The following CCSER1 variants were observed in gnomAD, a reference collection of about 807,000 sequenced individuals.
CCSER1 encodes the protein serine-rich coiled-coil domain-containing protein 1.
Under a neutral mutation model 82.0 loss-of-function variants are expected in CCSER1, and 41 were observed. The observed-to-expected ratio is 0.50, with a 90% confidence interval of 0.39 to 0.65. CCSER1 has a LOEUF of 0.65. Ranked by LOEUF, CCSER1 falls within the 30% of genes least tolerant of loss-of-function variation. The pLI is 0.00. For synonymous variants in CCSER1, 414 were observed against 383.9 expected (o/e 1.08, Z -0.92); for missense variants, 1,119 against 1,064.2 (o/e 1.05, Z -0.72).
At chr4:91,043,569 C>G (rs1051890767) in intron 9 of CCSER1, among the ~76,000 whole-genome samples, 3 of 146,620 alleles carry the variant, frequency 2.0e-5, no homozygotes, top group Non-Finnish European at 3.0e-5. Flanking sequence ...ATAACGCTAA[C>G]TAGCATCAGC....
At chr4:91,048,077 A>G (rs1056095562) in intron 9 of CCSER1, among the ~76,000 whole-genome samples, 5 of 152,052 alleles carry the variant, frequency 3.3e-5, no homozygotes, top group African/African-American at 1.2e-4. Context: ...AATCACTCAT[A>G]TAATACTTTA....
At chr4:91,439,490 A>G (rs1295666770) in intron 10 of CCSER1, among the ~76,000 whole-genome samples, 2 of 152,130 alleles carry the variant, frequency 1.3e-5, no homozygotes, top group African/African-American at 4.8e-5. Context: ...AGCACTAAAC[A>G]TGGAAAGGAA....
chr4:91,500,794 A>G (rs112599144), intron 10 of CCSER1, among the ~76,000 whole-genome samples: 4,578 of 152,016 alleles, frequency 0.03, 144 homozygotes, highest in African/African-American at 0.084. Context: ...GCTTTTTGGG[A>G]AACAGGTGGT....
intron 10 of CCSER1, among the ~76,000 whole-genome samples, chr4:91,440,889 C>G (rs1019067577): frequency 1.3e-5 from 2 of 151,980 alleles, no homozygotes; most frequent in Non-Finnish European, 2.9e-5. Context: ...ATAAATTCCT[C>G]GACACATACA....
At chr4:90,736,043 T>C (rs185416834) in intron 7 of CCSER1, among the ~76,000 whole-genome samples, 7 of 152,292 alleles carry the variant, frequency 4.6e-5, no homozygotes, top group Non-Finnish European at 1.0e-4. Flanking sequence ...TGATTTTTCA[T>C]TTTATTCTAT....
chr4:90,633,495 T>C (rs932663073), intron 6 of CCSER1, among the ~76,000 whole-genome samples: 1 of 152,008 alleles, frequency 6.6e-6, no homozygotes, highest in African/African-American at 2.4e-5. Context: ...ATTCCTTAAC[T>C]GTATTTTTAA....
At chr4:91,141,760 T>C (rs138529672) in intron 10 of CCSER1, among the ~76,000 whole-genome samples, 2 of 152,298 alleles carry the variant, frequency 1.3e-5, no homozygotes, top group East Asian at 3.9e-4. Flanking sequence ...TGTATAAGCA[T>C]TCCCATTTCT....
At chr4:90,493,047 A>T (rs1405559426) in intron 5 of CCSER1, among the ~76,000 whole-genome samples, 1 of 152,126 alleles carries the variant, frequency 6.6e-6, no homozygotes, top group Non-Finnish European at 1.5e-5. Context: ...AACTGGAATA[A>T]CCACTGTAGA....
intron 10 of CCSER1, among the ~76,000 whole-genome samples, chr4:91,345,041 G>T (rs1206817106): frequency 6.6e-6 from 1 of 152,100 alleles, no homozygotes; most frequent in Non-Finnish European, 1.5e-5. Flanking sequence ...TATTGTAAGT[G>T]CTATGTTCCT....
intron 1 of CCSER1, among the ~76,000 whole-genome samples, chr4:90,142,323 G>A (rs903254011): frequency 1.3e-5 from 2 of 152,162 alleles, no homozygotes; most frequent in Admixed American, 1.3e-4. Flanking sequence ...CTTCCATGAC[G>A]ACTTTAACCC....
At chr4:91,482,650 T>C (rs199825787) in intron 10 of CCSER1, among the ~76,000 whole-genome samples, 1 of 152,088 alleles carries the variant, frequency 6.6e-6, no homozygotes, top group South Asian at 2.1e-4. Context: ...CACACGTATA[T>C]ATATTGTGGC....
intron 6 of CCSER1, among the ~76,000 whole-genome samples, chr4:90,696,964 G>A (rs906852844): frequency 6.6e-6 from 1 of 152,082 alleles, no homozygotes; most frequent in Non-Finnish European, 1.5e-5. Context: ...GCTAGTTAAG[G>A]GCTGCACAGT....
At chr4:90,474,536 C>G (rs1056350384) in intron 5 of CCSER1, among the ~76,000 whole-genome samples, 1 of 152,168 alleles carries the variant, frequency 6.6e-6, no homozygotes, top group African/African-American at 2.4e-5. Flanking sequence ...GATAGCAGTT[C>G]TCCCCAGCTC....
At chr4:91,009,984 C>A (rs764772070) in intron 9 of CCSER1, among the ~76,000 whole-genome samples, 5 of 152,012 alleles carry the variant, frequency 3.3e-5, no homozygotes, top group African/African-American at 7.2e-5. Flanking sequence ...TTTACCTTTA[C>A]CTGAGAATTT....
intron 1 of CCSER1, among the ~76,000 whole-genome samples, chr4:90,128,516 T>TGTGTGTGTGTGTGTGTGTGC (rs994567297): frequency 7.8e-6 from 1 of 128,504 alleles, no homozygotes; most frequent in African/African-American, 3.2e-5. Context: ...TGTGTGTGTG[T>TGTGTGTGTGTGTGTGTGTGC]GCGCGCGCGC....
At chr4:90,928,615 A>G (rs1227084638) in intron 9 of CCSER1, among the ~76,000 whole-genome samples, 1 of 152,098 alleles carries the variant, frequency 6.6e-6, no homozygotes, top group Non-Finnish European at 1.5e-5. Flanking sequence ...AATAATTCTA[A>G]GTGTATAGTG....
rs1560717295 is a variant in CCSER1 at position 91,496,805 on chromosome 4, T to TTCA, written c.2218-101767_2218-101766insTCA. Among the ~76,000 whole-genome samples, 5 of 89,118 alleles carry TTCA rather than the reference T, an allele frequency of 5.6e-5. 1 individual carries two copies. The highest frequency in any genetic ancestry group is 1.6e-4 in the African/African-American group (4 of 24,700). 58.5% of individuals were successfully genotyped at this position (89,118 alleles called of 152,430 possible). ...TATATATTGAATATATATTTGAATATATATATATTCAATATATATTGAATA... is the reference window on the plus strand; with the variant it reads ...TATATATTGAATATATATTTGAATATTCAATATATATTCAATATATATTGAATA... On this transcript the variant is annotated intron_variant, in intron 10 of 10. Coordinates refer to ENST00000509176, the MANE Select transcript of CCSER1 (RefSeq NM_001145065.2).
At chr4:90,332,342 T>G (rs1302573481) in intron 3 of CCSER1, among the ~76,000 whole-genome samples, 1 of 150,418 alleles carries the variant, frequency 6.6e-6, no homozygotes, top group African/African-American at 2.4e-5. Flanking sequence ...GTTCAAGCAA[T>G]TCTCCTGCCT....
intron 9 of CCSER1, among the ~76,000 whole-genome samples, chr4:91,038,802 A>G (rs1298981654): frequency 6.6e-6 from 1 of 152,158 alleles, no homozygotes; most frequent in African/African-American, 2.4e-5. Flanking sequence ...TGTAGATGAC[A>G]TAGGAGTCAT....
Sources: allele counts gnomAD v4.1 joint callset (sites outside exome capture counted in the v4.1 genomes callset), GRCh38; gene constraint gnomAD v4.1.1; transcripts MANE v1.5; gene names NCBI Gene and HGNC (gene_info 2026-07-23, HGNC 2026-07-21).